LCT: variants seen among roughly 807,000 people sequenced by gnomAD.
The protein encoded by LCT is lactase/phlorizin hydrolase.
In LCT, 90 loss-of-function variants were observed where a neutral mutation model predicts 173.0. That is an observed-to-expected ratio of 0.52 (90% CI 0.44 to 0.62). LCT has a LOEUF of 0.62. Among genes scored for constraint, LCT ranks in the 20% least tolerant of loss-of-function variants. The pLI is 0.00. For synonymous variants in LCT, 853 were observed against 957.6 expected, an observed-to-expected ratio of 0.89 and a Z score of 2.02; for missense variants, 1,864 against 2,431.4, an observed-to-expected ratio of 0.77 and a Z score of 4.91.
chr2:135,821,579 C>T (rs1575345365), intron 5 of LCT: 1 of 197,470 alleles, frequency 5.1e-6, no homozygotes, highest in Admixed American at 5.4e-5. Flanking sequence ...CTCCTGGGCT[C>T]AAGCGATCCT....
At chr2:135,830,033 G>C (rs1189637129) in intron 2 of LCT, among the ~76,000 whole-genome samples, 1 of 152,162 alleles carries the variant, frequency 6.6e-6, no homozygotes, top group Non-Finnish European at 1.5e-5. Context: ...TGCCCCTGGT[G>C]CTTCCTCCAT....
At chr2:135,794,541 A>G in intron 14 of LCT, 100 bp downstream of exon 14, 2 of 1,264,926 alleles carry the variant, frequency 1.6e-6, no homozygotes, top group Non-Finnish European at 2.3e-6. Flanking sequence ...TCGGCGTTGG[A>G]GGCCCTGTTT....
In LCT at chr2:135,812,564, G is replaced by C. The variant is rs201685980; in HGVS notation, c.2100C>G (p.Ile700Met). 1.7e-5 allele frequency: 27 copies of C among 1,613,690 alleles called. No homozygotes were observed. Among genetic ancestry groups the C allele is most frequent in the African/African-American group, 4.0e-5 (3 of 74,922 alleles). ...LISNAPQNTC[I>M]PSYDTIGGFS... ...AGCCTCCAATGGTATCATAGCTAGG[G>C]ATGCAGGTGTTTTGTGGGGCGTTGC... Residue 700 changes from isoleucine to methionine, a missense_variant, in exon 7 of 17, where the codon ATC becomes ATG. Ile to Met is a conservative substitution (Grantham distance 10). Coordinates refer to ENST00000264162, the MANE Select transcript of LCT (RefSeq NM_002299.4).
At chr2:135,800,318 G>C (rs2077615030) in intron 12 of LCT, among the ~76,000 whole-genome samples, 1 of 152,042 alleles carries the variant, frequency 6.6e-6, no homozygotes, top group Non-Finnish European at 1.5e-5. Context: ...CTGCAACCTT[G>C]ACCTCCTGGA....
chr2:135,816,172 G>GTATA (rs1316113774), intron 6 of LCT, among the ~76,000 whole-genome samples: 7 of 152,230 alleles, frequency 4.6e-5, no homozygotes, highest in South Asian at 2.1e-4. Context: ...TGTGCCAAGT[G>GTATA]TATACATCCC....
At chr2:135,834,787 CA>C (rs60298631) in intron 1 of LCT, among the ~76,000 whole-genome samples, 1 of 34,166 alleles carries the variant, frequency 2.9e-5, no homozygotes, top group Non-Finnish European at 5.0e-5. Context: ...GACTCCATCT[CA>C]AAAAAAAAAA....
Position 135,802,808 on chromosome 2 carries a change from G to T in LCT, c.4663+1122C>A, listed in dbSNP as rs536136138. Among the ~76,000 whole-genome samples, 6 of 152,228 alleles carry T rather than the reference G, an allele frequency of 3.9e-5. No homozygotes were observed. In the South Asian group the frequency reaches 1.2e-3, roughly 32 times the overall value. The stretch of plus-strand genomic sequence containing the variant: ...CTAGTGATGTGTGGCACTGTAGAGT[G>T]AATGTAGTTAACAATAATTTAGGCT... On this transcript the variant is annotated intron_variant, in intron 11 of 16. Coordinates refer to ENST00000264162, the MANE Select transcript of LCT (RefSeq NM_002299.4).
At position 135,837,142 on chromosome 2, in the gene LCT, T is replaced by A; in HGVS notation, c.28A>T (p.Ile10Phe). MELSWHVVF[I>F]ALLSFSCWGS... ...CAGCATGAAAAACTTAGCAGGGCAA[T>A]AAAGACTACATGCCAAGACAGCTCC... The change falls in exon 1 of 17, where the codon ATT (isoleucine) becomes TTT (phenylalanine). Residue 10 changes from isoleucine (I) to phenylalanine (F), a missense_variant. Coordinates refer to ENST00000264162, the MANE Select transcript of LCT (RefSeq NM_002299.4). The A allele has an allele frequency of 6.2e-7, 1 of 1,613,762 alleles. No individual in the cohort carries two copies.
chr2:135,834,237 G>A (rs1036555080), intron 1 of LCT, among the ~76,000 whole-genome samples: 1 of 151,984 alleles, frequency 6.6e-6, no homozygotes, highest in African/African-American at 2.4e-5. Flanking sequence ...CCAGGCTGGA[G>A]TGCAATGGCG....
intron 8 of LCT, 129 bp from the exon 9 acceptor site, chr2:135,807,525 A>C (rs1230686101): frequency 1.2e-6 from 1 of 832,442 alleles, no homozygotes; most frequent in African/African-American, 1.7e-5. Context: ...CTGAGAGACC[A>C]ACAGATCATC....
intron 9 of LCT, among the ~76,000 whole-genome samples, chr2:135,805,874 T>C (rs1051625943): frequency 6.6e-6 from 1 of 152,132 alleles, no homozygotes; most frequent in Non-Finnish European, 1.5e-5. Context: ...TGGCCAGCAG[T>C]ATAAAAGTAT....
At chr2:135,819,273 A>G (rs1356518789) in intron 5 of LCT, among the ~76,000 whole-genome samples, 1 of 151,888 alleles carries the variant, frequency 6.6e-6, no homozygotes, top group Non-Finnish European at 1.5e-5. Context: ...ATTCTAGTCC[A>G]TTTTCCTCCC....
chr2:135,810,022 T>C, intron 7 of LCT, 29 bp from the exon 8 acceptor site: 1 of 1,449,136 alleles, frequency 6.9e-7, no homozygotes, highest in Non-Finnish European at 9.6e-7. Context: ...ATTAGATTTA[T>C]TTATTTATGG....
At position 135,817,819 on chromosome 2, in the gene LCT, A is replaced by T; in HGVS notation, c.1229T>A (p.Ile410Asn). 6.2e-7 allele frequency: 1 copy of T among 1,613,942 alleles called. No individual in the cohort carries two copies. ...GWAEGGRGVS[I>N]WDPRRPLNTT... ...GTTCAGGGGCCTGCGTGGATCCCAG[A>T]TGCTCACCCCTCTCCCACCCTCGGC... Residue 410 changes from isoleucine to asparagine, a missense_variant, in exon 6 of 17, where the codon ATC (isoleucine) becomes AAC (asparagine). This residue lies in a region of LCT where 183 missense variants were observed against 293.1 expected (regional missense o/e 0.62). Transcript: ENST00000264162.
chr2:135,801,860 T>C (rs542367203), intron 11 of LCT, among the ~76,000 whole-genome samples: 3 of 152,124 alleles, frequency 2.0e-5, no homozygotes, highest in Admixed American at 6.5e-5. Context: ...AGGCGTGAGA[T>C]ACCATACTCG....
In LCT at chr2:135,809,682, T is replaced by A; in HGVS notation, c.2665A>T (p.Ser889Cys). 6.2e-7 allele frequency: 1 copy of A among 1,614,240 alleles called. No individual in the cohort carries two copies. The highest frequency in any genetic ancestry group is 1.6e-4 in the Middle Eastern group (1 of 6,062). Reference sequence around the variant, plus strand: ...AAATCTCTTTCGAACTTGGGTTGGCTGGAGAACTTTTCCCAAACGACTTTA... The same window carrying A: ...AAATCTCTTTCGAACTTGGGTTGGCAGGAGAACTTTTCCCAAACGACTTTA... The part of the protein sequence containing the change: ...KAKVVWEKFS[S>C]QPKFERDLFY... The change falls in exon 8 of 17, where the codon AGC becomes TGC. Residue 889 changes from serine to cysteine, a missense_variant. Physicochemically the swap from Ser to Cys is moderately radical, Grantham distance 112. This residue lies in a region of LCT where 755 missense variants were observed against 926.3 expected (regional missense o/e 0.82). Coordinates refer to ENST00000264162, the MANE Select transcript of LCT (RefSeq NM_002299.4). The surrounding 1 kb of genome is among the most constrained non-coding windows in gnomAD (Gnocchi z 5.5).
At chr2:135,824,644 G>T (rs1486455452) in intron 3 of LCT, among the ~76,000 whole-genome samples, 1 of 152,206 alleles carries the variant, frequency 6.6e-6, no homozygotes, top group Non-Finnish European at 1.5e-5. Context: ...TGCAGCTGGA[G>T]ATGGCTTCGT....
At position 135,788,326 on chromosome 2, in the gene LCT, AGAAT is replaced by A; in HGVS notation, c.5778_5781del (p.Phe1927AspfsTer9). The A allele has an allele frequency of 6.2e-7, 1 of 1,610,578 alleles. No homozygotes were observed. On this transcript the variant is annotated frameshift_variant, in exon 17 of 17. Transcript: ENST00000264162. LOFTEE classifies it high-confidence loss of function. ...ATAGAACTTGAGGTGGTAACTCATC[AGAAT>A]GAAGACACCGGGCTCAATTCCTGTT...
At chr2:135,793,099 C>T (rs1383592683) in intron 14 of LCT, among the ~76,000 whole-genome samples, 2 of 152,230 alleles carry the variant, frequency 1.3e-5, no homozygotes, top group Non-Finnish European at 1.5e-5. Flanking sequence ...CCTGCAACAT[C>T]CTGGCTAACC....
Sources: allele counts gnomAD v4.1 joint callset (sites outside exome capture counted in the v4.1 genomes callset), GRCh38; gene constraint gnomAD v4.1.1; regional missense constraint gnomAD v4.1.1; non-coding constraint Gnocchi (gnomAD v3.1); transcripts MANE v1.5; gene names NCBI Gene and HGNC (gene_info 2026-07-23, HGNC 2026-07-21).